AGMO: variants seen among roughly 807,000 people sequenced by gnomAD.
AGMO encodes the protein alkylglycerol monooxygenase, also known as glyceryl-ether monooxygenase.
In AGMO, 75 loss-of-function variants were observed where a neutral mutation model predicts 60.2. That is an observed-to-expected ratio of 1.25 (90% CI 1.03 to 1.51). The LOEUF (loss-of-function observed/expected upper bound fraction) is 1.51, where lower values mean the gene tolerates loss of function less well. Among genes scored for constraint, AGMO ranks in the 40% most tolerant of loss-of-function variants. The pLI is 0.00. For synonymous variants in AGMO, 261 were observed against 177.1 expected (o/e 1.47, Z -3.76); for missense variants, 763 against 525.5 (o/e 1.45, Z -4.42).
intron 5 of AGMO, among the ~76,000 whole-genome samples, chr7:15,414,866 A>G (rs1176404152): frequency 5.3e-5 from 8 of 152,192 alleles, no homozygotes; most frequent in African/African-American, 1.9e-4. Context: ...CTTTTTCTCA[A>G]CAAGTCATCA....
intron 12 of AGMO, among the ~76,000 whole-genome samples, chr7:15,359,140 T>G (rs2128558254): frequency 6.6e-6 from 1 of 151,900 alleles, no homozygotes; most frequent in Non-Finnish European, 1.5e-5. Context: ...ATACACAAAA[T>G]TAGCTGGGCA....
the AGMO span, among the ~76,000 whole-genome samples, chr7:15,169,722 A>G: frequency 1.3e-5 from 2 of 152,112 alleles, no homozygotes; most frequent in Admixed American, 1.3e-4. Flanking sequence ...CAGGCGTGAG[A>G]CACCACACTG....
At chr7:15,118,173 A>ACACACACACACAC in the AGMO span, among the ~76,000 whole-genome samples, 32 of 144,590 alleles carry the variant, frequency 2.2e-4, 1 homozygote, top group Non-Finnish European at 3.8e-4. Flanking sequence ...ACTAAAGAGA[A>ACACACACACACAC]ACACACACAC....
chr7:15,228,850 A>G (rs1782166452), intron 12 of AGMO, among the ~76,000 whole-genome samples: 1 of 152,150 alleles, frequency 6.6e-6, no homozygotes, highest in Non-Finnish European at 1.5e-5. Flanking sequence ...TGTAAATTTA[A>G]GGGACAAGAA....
intron 2 of AGMO, among the ~76,000 whole-genome samples, chr7:15,553,810 T>C (rs1343257623): frequency 6.6e-6 from 1 of 152,098 alleles, no homozygotes; most frequent in Non-Finnish European, 1.5e-5. Context: ...AGACACCCAA[T>C]TTATTACTCC....
chr7:15,340,920 T>C (rs1387181246), intron 12 of AGMO, among the ~76,000 whole-genome samples: 1 of 152,090 alleles, frequency 6.6e-6, no homozygotes, highest in Non-Finnish European at 1.5e-5. Context: ...ACTGACAGCT[T>C]GCACCATATG....
intron 3 of AGMO, among the ~76,000 whole-genome samples, chr7:15,439,705 T>G (rs948207224): frequency 6.6e-6 from 1 of 152,192 alleles, no homozygotes; most frequent in African/African-American, 2.4e-5. Flanking sequence ...TTTCCCAAAA[T>G]GTAGGTTAAT....
chr7:15,178,953 C>G, the AGMO span, among the ~76,000 whole-genome samples: 2 of 152,106 alleles, frequency 1.3e-5, no homozygotes, highest in East Asian at 3.9e-4. Flanking sequence ...CAGAGGAAAT[C>G]AGACAGAATT....
intron 3 of AGMO, among the ~76,000 whole-genome samples, chr7:15,434,795 GT>G (rs1781353053): frequency 1.3e-5 from 2 of 152,128 alleles, no homozygotes; most frequent in Non-Finnish European, 2.9e-5. Context: ...AACGTTTCTT[GT>G]TTTAAGCTTG....
At chr7:15,269,357 T>C (rs1161588822) in intron 12 of AGMO, among the ~76,000 whole-genome samples, 6 of 152,040 alleles carry the variant, frequency 3.9e-5, no homozygotes, top group Admixed American at 1.3e-4. Context: ...TGTTGTAATA[T>C]AGACTCTAAG....
At chr7:15,416,447 T>G (rs1054582078) in intron 5 of AGMO, among the ~76,000 whole-genome samples, 3 of 152,186 alleles carry the variant, frequency 2.0e-5, no homozygotes, top group African/African-American at 7.2e-5. Flanking sequence ...AATGTGATTT[T>G]AAGGTTTTTT....
chr7:15,354,343 C>CACGCGTGTATATACGTAT lies in AGMO; in HGVS notation c.1263+11170_1263+11171insATACGTATATACACGCGT, dbSNP rs1782380857. Among the ~76,000 whole-genome samples, 3 of 86,936 alleles carry CACGCGTGTATATACGTAT rather than the reference C, an allele frequency of 3.5e-5. 1 individual carries two copies. Among genetic ancestry groups the CACGCGTGTATATACGTAT allele is most frequent in the Non-Finnish European group, 6.8e-5 (3 of 43,856 alleles). 57.0% of individuals were successfully genotyped at this position (86,936 alleles called of 152,430 possible). On this transcript the variant is annotated intron_variant, in intron 12 of 12. Transcript: ENST00000342526. ...GTATATACGTACGCGTGTATATACA[C>CACGCGTGTATATACGTAT]GCGTGTATATAGACGTGTGTATATA...
intron 3 of AGMO, among the ~76,000 whole-genome samples, chr7:15,541,054 A>T (rs2115272926): frequency 6.6e-6 from 1 of 152,246 alleles, no homozygotes; most frequent in Non-Finnish European, 1.5e-5. Context: ...TTACATGTTT[A>T]GTGTAACTAA....
At chr7:15,389,308 C>CTA (rs201256003) in intron 8 of AGMO, among the ~76,000 whole-genome samples, 2 of 151,842 alleles carry the variant, frequency 1.3e-5, no homozygotes, top group African/African-American at 2.4e-5. Context: ...ATGAAGGTGT[C>CTA]TCTTTTTTAA....
chr7:15,375,586 G>A (rs539612514), intron 10 of AGMO, among the ~76,000 whole-genome samples: 89 of 151,922 alleles, frequency 5.9e-4, no homozygotes, highest in South Asian at 2.1e-3. Context: ...TAGCAGAGGC[G>A]GAGGTTCTCC....
chr7:15,323,004 A>G lies in AGMO; in HGVS notation c.1263+42510T>C, dbSNP rs376980271. Among the ~76,000 whole-genome samples, 17 of 61,612 alleles carry G rather than the reference A, an allele frequency of 2.8e-4. 2 individuals are homozygous for G. In the South Asian group the frequency reaches 9.3e-3, roughly 34 times the overall value. The allele number at this position is 61,612 out of a possible 152,430, so 40.4% of individuals were successfully genotyped here. ...GTATTTATTTTTTATTTTTTCCTGTATCAAGAAAGGAAATTTTGTAGGTCG... is the reference window on the plus strand; with the variant it reads ...GTATTTATTTTTTATTTTTTCCTGTGTCAAGAAAGGAAATTTTGTAGGTCG... On this transcript the variant is annotated intron_variant, in intron 12 of 12. Transcript: ENST00000342526.
At chr7:15,239,988 T>A (rs1192613634) in intron 12 of AGMO, among the ~76,000 whole-genome samples, 2 of 152,180 alleles carry the variant, frequency 1.3e-5, no homozygotes, top group Non-Finnish European at 2.9e-5. Flanking sequence ...CTTTATCTTT[T>A]GTCATTGTTT....
intron 12 of AGMO, among the ~76,000 whole-genome samples, chr7:15,360,333 C>G (rs562359946): frequency 1.4e-4 from 22 of 152,200 alleles, no homozygotes; most frequent in South Asian, 1.2e-3. Flanking sequence ...GCCAACCCCC[C>G]GTGCGGTCAA....
intron 12 of AGMO, among the ~76,000 whole-genome samples, chr7:15,362,630 G>C (rs1035047038): frequency 6.6e-6 from 1 of 152,146 alleles, no homozygotes; most frequent in Non-Finnish European, 1.5e-5. Context: ...AGAACTGGCC[G>C]TGCATGTGCC....
Sources: allele counts gnomAD v4.1 joint callset (sites outside exome capture counted in the v4.1 genomes callset), GRCh38; gene constraint gnomAD v4.1.1; transcripts MANE v1.5; gene names NCBI Gene and HGNC (gene_info 2026-07-23, HGNC 2026-07-21).